The following AGAP1 variants were observed in gnomAD, a reference collection of about 807,000 sequenced individuals.
AGAP1 encodes arf-GAP with GTPase, ANK repeat and PH domain-containing protein 1.
Under a neutral mutation model 105.3 loss-of-function variants are expected in AGAP1, and 29 were observed. That is an observed-to-expected ratio of 0.28 (90% CI 0.21 to 0.38). The LOEUF (loss-of-function observed/expected upper bound fraction) is 0.38. Ranked by LOEUF, AGAP1 falls within the 10% of genes least tolerant of loss-of-function variation. The pLI is 1.00. For synonymous variants in AGAP1, 509 were observed against 485.9 expected (o/e 1.05, Z -0.63); for missense variants, 998 against 1,165.1 (o/e 0.86, Z 2.09).
In AGAP1 at chr2:235,701,131, G is replaced by A. The variant is rs1950239803; in HGVS notation, c.164-8048G>A. ...GTTATATGTACATATTATATATTAT[G>A]TATATATGATATGCTCTATTTAGTG... On this transcript the variant is annotated intron_variant, in intron 1 of 17. Coordinates refer to ENST00000304032, the MANE Select transcript of AGAP1 (RefSeq NM_001037131.3). This position sits in a 1 kb window ranked among gnomAD's most constrained non-coding sequence, Gnocchi z 4.1. 6.8e-6 allele frequency among the ~76,000 whole-genome samples: 1 copy of A among 147,030 alleles called. No individual in the cohort carries two copies. The highest frequency in any genetic ancestry group is 2.5e-5 in the African/African-American group (1 of 40,194).
Position 235,886,356 on chromosome 2 carries a change from G to A in AGAP1, c.1155+2907G>A, listed in dbSNP as rs573593518. Among the ~76,000 whole-genome samples the A allele has an allele frequency of 3.9e-5, 6 of 152,358 alleles. No individual in the cohort carries two copies. In the South Asian group the frequency reaches 1.2e-3, roughly 32 times the overall value. ...CTCACTGCTGAGCTCAGGCTCAGTC[G>A]AAGGGATGTTTGCTGCTTCTTGCCA... On this transcript the variant is annotated intron_variant, in intron 10 of 17. Coordinates refer to ENST00000304032, the MANE Select transcript of AGAP1 (RefSeq NM_001037131.3).
intron 12 of AGAP1, among the ~76,000 whole-genome samples, chr2:235,950,542 G>C (rs1442807343): frequency 1.3e-5 from 2 of 152,010 alleles, no homozygotes; most frequent in African/African-American, 4.8e-5. Context: ...GAGGTGGGTG[G>C]ATAGTCACTG....
chr2:235,761,925 C>A (rs1342664245), intron 6 of AGAP1, among the ~76,000 whole-genome samples: 1 of 151,960 alleles, frequency 6.6e-6, no homozygotes, highest in Non-Finnish European at 1.5e-5. Context: ...GCCTGGCCAA[C>A]ATGGTGAAAC....
rs927473981 is a variant in AGAP1 at position 235,621,343 on chromosome 2, C to T, written c.164-87836C>T. Among the ~76,000 whole-genome samples the T allele has an allele frequency of 2.0e-5, 3 of 152,198 alleles. No homozygotes were observed. The highest frequency in any genetic ancestry group is 6.5e-5 in the Admixed American group (1 of 15,274). ...AGCCGATCTATTTAATTTCATTGTGCCTTGGTTTCTTCATATGTTTCAATA... is the reference window on the plus strand; with the variant it reads ...AGCCGATCTATTTAATTTCATTGTGTCTTGGTTTCTTCATATGTTTCAATA... On this transcript the variant is annotated intron_variant, in intron 1 of 17. Coordinates refer to ENST00000304032, the MANE Select transcript of AGAP1 (RefSeq NM_001037131.3). The surrounding 1 kb of genome is among the most constrained non-coding windows in gnomAD (Gnocchi z 4.1).
In AGAP1 at chr2:235,752,096, C is replaced by T. The variant is rs1189374820; in HGVS notation, c.673+1608C>T. 2.0e-5 allele frequency among the ~76,000 whole-genome samples: 3 copies of T among 152,306 alleles called. No individual in the cohort carries two copies. On this transcript the variant is annotated intron_variant, in intron 6 of 17. Coordinates refer to ENST00000304032, the MANE Select transcript of AGAP1 (RefSeq NM_001037131.3). This position sits in a 1 kb window ranked among gnomAD's most constrained non-coding sequence, Gnocchi z 4.3. Reference sequence around the variant, plus strand: ...TGTCGGCCGCTGCGCTGCCGAGGCCCCTGTGAATGTTGAAGTAAAGCGTCG... The same window carrying T: ...TGTCGGCCGCTGCGCTGCCGAGGCCTCTGTGAATGTTGAAGTAAAGCGTCG...
chr2:235,584,588 G>A (rs894335615), intron 1 of AGAP1, among the ~76,000 whole-genome samples: 3 of 151,698 alleles, frequency 2.0e-5, no homozygotes, highest in African/African-American at 7.3e-5. Context: ...AGCAAGCTGT[G>A]CTAGGAAGAG....
At chr2:235,603,907 G>A (rs998141611) in intron 1 of AGAP1, among the ~76,000 whole-genome samples, 3 of 152,010 alleles carry the variant, frequency 2.0e-5, no homozygotes, top group African/African-American at 7.2e-5. Context: ...GTTGGTTGAC[G>A]GGTTGGTTGA....
At position 236,113,603 on chromosome 2, in the gene AGAP1, A is replaced by G. The variant is rs186226143; in HGVS notation, c.2115-6589A>G. On this transcript the variant is annotated intron_variant, in intron 16 of 17. Coordinates refer to ENST00000304032, the MANE Select transcript of AGAP1 (RefSeq NM_001037131.3). The surrounding 1 kb of genome is among the most constrained non-coding windows in gnomAD (Gnocchi z 4.3). ...GGATTTGGCATGGCAGGCACTAAGT[A>G]TGCGGGTAGCAGGTGGGGAGTGTCC... 1.3e-5 allele frequency among the ~76,000 whole-genome samples: 2 copies of G among 152,328 alleles called. No individual in the cohort carries two copies. The highest frequency in any genetic ancestry group is 3.9e-4 in the East Asian group (2 of 5,180).
In AGAP1 at chr2:235,582,966, C is replaced by T. The variant is rs575667174; in HGVS notation, c.163+88117C>T. Among the ~76,000 whole-genome samples, 11 of 152,344 alleles carry T rather than the reference C, an allele frequency of 7.2e-5. No individual in the cohort carries two copies. The highest frequency in any genetic ancestry group is 2.6e-4 in the African/African-American group (11 of 41,588). On this transcript the variant is annotated intron_variant, in intron 1 of 17. Coordinates refer to ENST00000304032, the MANE Select transcript of AGAP1 (RefSeq NM_001037131.3). This position sits in a 1 kb window ranked among gnomAD's most constrained non-coding sequence, Gnocchi z 4.7. ...CTCATTTTATGTTGTTGGGATTTGG[C>T]TCGGAACCTGCCAAGGACCCCTGTG...
chr2:236,039,284 A>T (rs1344307164), intron 14 of AGAP1, among the ~76,000 whole-genome samples: 3 of 152,140 alleles, frequency 2.0e-5, no homozygotes, highest in African/African-American at 7.2e-5. Context: ...TGTCTCTACA[A>T]AAAAATTTTT....
intron 1 of AGAP1, among the ~76,000 whole-genome samples, chr2:235,562,011 AGC>A (rs1407134092): frequency 1.3e-5 from 2 of 152,246 alleles, no homozygotes; most frequent in Non-Finnish European, 2.9e-5. Flanking sequence ...TTGTCAAAAT[AGC>A]AAAAACACAC....
At chr2:235,527,187 G>C (rs1031575688) in intron 1 of AGAP1, among the ~76,000 whole-genome samples, 1 of 152,188 alleles carries the variant, frequency 6.6e-6, no homozygotes, top group Non-Finnish European at 1.5e-5. Flanking sequence ...ATGAGAGGAG[G>C]AGGATTCAGG....
intron 10 of AGAP1, among the ~76,000 whole-genome samples, chr2:235,898,703 TATCTC>T (rs2050924936): frequency 6.6e-6 from 1 of 152,170 alleles, no homozygotes; most frequent in Non-Finnish European, 1.5e-5. Flanking sequence ...ACTTGAGTAT[TATCTC>T]AGTGAACCCT....
intron 1 of AGAP1, among the ~76,000 whole-genome samples, chr2:235,583,357 G>T (rs1427911667): frequency 6.6e-6 from 1 of 152,068 alleles, no homozygotes; most frequent in African/African-American, 2.4e-5. Flanking sequence ...CCAGGGTCAG[G>T]TGCGGGTCCC....
intron 12 of AGAP1, among the ~76,000 whole-genome samples, chr2:235,932,249 C>G (rs757218003): frequency 1.3e-5 from 2 of 152,192 alleles, no homozygotes; most frequent in South Asian, 4.1e-4. Flanking sequence ...GGATGAGCCT[C>G]CGTACCTCCA....
chr2:235,531,990 C>A (rs1286483467), intron 1 of AGAP1, among the ~76,000 whole-genome samples: 1 of 152,042 alleles, frequency 6.6e-6, no homozygotes, highest in Non-Finnish European at 1.5e-5. Flanking sequence ...ACCTGGCAGA[C>A]ACTTGTTTAA....
chr2:235,557,756 G>T lies in AGAP1; in HGVS notation c.163+62907G>T, dbSNP rs1297488788. 6.6e-6 allele frequency among the ~76,000 whole-genome samples: 1 copy of T among 152,158 alleles called. No individual in the cohort carries two copies. The highest frequency in any genetic ancestry group is 1.9e-4 in the East Asian group (1 of 5,190). ...TTCAGGTCCCGCTCCATGGCCGTGT[G>T]CACCTTCATGGTACGTGCTGGGGTT... is the stretch of plus-strand genomic sequence containing the variant. On this transcript the variant is annotated intron_variant, in intron 1 of 17. Coordinates refer to ENST00000304032, the MANE Select transcript of AGAP1 (RefSeq NM_001037131.3). This position sits in a 1 kb window ranked among gnomAD's most constrained non-coding sequence, Gnocchi z 4.7.
At chr2:235,771,290 G>A (rs932915680) in intron 6 of AGAP1, among the ~76,000 whole-genome samples, 1 of 152,228 alleles carries the variant, frequency 6.6e-6, no homozygotes, top group African/African-American at 2.4e-5. Flanking sequence ...CCTCCAGAGG[G>A]CTTCTGCTGG....
intron 16 of AGAP1, among the ~76,000 whole-genome samples, chr2:236,111,480 A>G (rs201127614): frequency 6.8e-6 from 1 of 146,368 alleles, no homozygotes; most frequent in East Asian, 2.0e-4. Flanking sequence ...TGGGCAGTAT[A>G]GCAAGACCCT....
Sources: gnomAD v4.1 joint callset for allele counts (sites outside exome capture counted in the v4.1 genomes callset) on GRCh38, gnomAD v4.1.1 for gene constraint, Gnocchi (gnomAD v3.1) non-coding constraint, MANE v1.5 for transcripts, NCBI Gene and HGNC (gene_info 2026-07-23, HGNC 2026-07-21) for gene names.